The following TNRC6C variants were observed in gnomAD, a reference collection of about 807,000 sequenced individuals.
The protein encoded by TNRC6C is trinucleotide repeat containing adaptor 6C.
In TNRC6C, 20 loss-of-function variants were observed where a neutral mutation model predicts 153.7. That is an observed-to-expected ratio of 0.13 (90% CI 0.09 to 0.19). TNRC6C has a LOEUF of 0.19. Among genes scored for constraint, TNRC6C ranks in the 10% least tolerant of loss-of-function variants. The pLI is 1.00. For synonymous variants in TNRC6C, 811 were observed against 841.4 expected, an observed-to-expected ratio of 0.96 and a Z score of 0.63; for missense variants, 1,987 against 2,172.0, an observed-to-expected ratio of 0.91 and a Z score of 1.69.
chr17:78,020,177 GC>G (rs1257931264), intron 1 of TNRC6C, among the ~76,000 whole-genome samples: 1 of 152,168 alleles, frequency 6.6e-6, no homozygotes, highest in Non-Finnish European at 1.5e-5. Context: ...GCTGAGTGAG[GC>G]TTCTCTTCCC....
chr17:78,025,256 C>T lies in TNRC6C; in HGVS notation c.-545-6260C>T, dbSNP rs571875783. 5.3e-5 allele frequency among the ~76,000 whole-genome samples: 8 copies of T among 152,270 alleles called. No individual in the cohort carries two copies. The South Asian group carries it at 1.0e-3, about 20-fold the overall frequency. On this transcript the variant is annotated intron_variant, in intron 1 of 19. Coordinates refer to ENST00000301624, the Ensembl canonical transcript of TNRC6C. ...AGTCATCCCCCACTCCCCTGGCAAC[C>T]GCTGATCTTTTCACCATCCCTGTAG...
chr17:78,072,944 ACTAT>A (rs756580200), intron 6 of TNRC6C, 89 bp from the exon 9 acceptor site: 3 of 894,482 alleles, frequency 3.4e-6, no homozygotes, highest in Non-Finnish European at 5.2e-6. Flanking sequence ...AAACCTAATA[ACTAT>A]GTCTTTAAGT....
intron 1 of TNRC6C, among the ~76,000 whole-genome samples, chr17:78,026,626 CT>C (rs1027793727): frequency 6.6e-6 from 1 of 152,178 alleles, no homozygotes; most frequent in Non-Finnish European, 1.5e-5. Flanking sequence ...AAAGCTAAGT[CT>C]GGGGAACTGG....
chr17:78,006,187 T>C (rs908505059), intron 1 of TNRC6C, among the ~76,000 whole-genome samples: 1 of 152,198 alleles, frequency 6.6e-6, no homozygotes, highest in Non-Finnish European at 1.5e-5. Context: ...AACCAGTTAA[T>C]GGTAAAGGCA....
chr17:78,076,561 A>G (rs1038988489), intron 8 of TNRC6C, among the ~76,000 whole-genome samples: 10 of 152,246 alleles, frequency 6.6e-5, no homozygotes, highest in African/African-American at 2.4e-4. Flanking sequence ...TCAGCATCGC[A>G]TATGTTTATT....
At chr17:78,073,427 C>T (rs866050359) in intron 7 of TNRC6C, among the ~76,000 whole-genome samples, 1 of 152,252 alleles carries the variant, frequency 6.6e-6, no homozygotes, top group South Asian at 2.1e-4. Context: ...GTTCCTCGTG[C>T]CTTGCCCCAG....
chr17:77,994,107 C>T (rs1051896546), intron 1 of TNRC6C, among the ~76,000 whole-genome samples: 26 of 152,088 alleles, frequency 1.7e-4, no homozygotes, highest in African/African-American at 6.3e-4. Flanking sequence ...GCAGGAGAAT[C>T]GCTTGAACCC....
At chr17:78,083,872 A>T (rs926646089) in intron 11 of TNRC6C, among the ~76,000 whole-genome samples, 1 of 152,176 alleles carries the variant, frequency 6.6e-6, no homozygotes, top group Non-Finnish European at 1.5e-5. Flanking sequence ...ATGTCATTGT[A>T]TACCTAGATG....
chr17:78,071,019 C>T, intron 5 of TNRC6C, 66 bp from the exon 8 acceptor site: 2 of 1,462,020 alleles, frequency 1.4e-6, no homozygotes, highest in African/African-American at 1.4e-5. Context: ...GGCTGTCTCC[C>T]ATTTCTGGTA....
chr17:78,046,798 G>C (rs1349873981), intron 2 of TNRC6C, among the ~76,000 whole-genome samples: 4 of 152,134 alleles, frequency 2.6e-5, no homozygotes, highest in Non-Finnish European at 5.9e-5. Flanking sequence ...CTAGACAGTT[G>C]TCCAACAGCA....
At chr17:78,083,480 G>A in intron 11 of TNRC6C, among the ~76,000 whole-genome samples, 1 of 152,170 alleles carries the variant, frequency 6.6e-6, no homozygotes, top group East Asian at 1.9e-4. Flanking sequence ...GAGACACCAC[G>A]GGTGTGCACC....
intron 1 of TNRC6C, among the ~76,000 whole-genome samples, chr17:77,978,895 C>T (rs1050082516): frequency 4.6e-5 from 7 of 152,148 alleles, no homozygotes; most frequent in Non-Finnish European, 1.0e-4. Context: ...AGTGATTCAC[C>T]CTTGCTCTTA....
chr17:78,000,627 C>CA (rs1239022721), upstream of TNRC6C, among the ~76,000 whole-genome samples: 42 of 70,314 alleles, frequency 6.0e-4, 6 homozygotes, highest in Non-Finnish European at 1.1e-3. Flanking sequence ...CGCCCCCCCC[C>CA]CCCCACACAC....
intron 13 of TNRC6C, among the ~76,000 whole-genome samples, chr17:78,088,661 G>A (rs76650272): frequency 0.014 from 2,041 of 146,808 alleles, 23 homozygotes; most frequent in South Asian, 0.038. Context: ...GTGCAGTGGC[G>A]TGATCATAGC....
chr17:77,985,885 G>A (rs983151135), intron 1 of TNRC6C, among the ~76,000 whole-genome samples: 4 of 152,040 alleles, frequency 2.6e-5, no homozygotes, highest in African/African-American at 9.7e-5. Context: ...ACCAAAACAG[G>A]AAATAGAAAT....
rs144697465 is a variant in TNRC6C, at chr17:78,065,245, G to A, written c.2611+308G>A. Among the ~76,000 whole-genome samples, 1,432 of 152,018 alleles carry A rather than the reference G, an allele frequency of 9.4e-3. 15 individuals carry two copies. Among genetic ancestry groups the A allele is most frequent in the South Asian group, 0.037 (179 of 4,826 alleles). On this transcript the variant is annotated intron_variant, in intron 4 of 19. Coordinates refer to ENST00000301624, the Ensembl canonical transcript of TNRC6C. ...CACATGCCTGTAATCCCAGCTATTC[G>A]GGAGGCTATGGTGGGAGAATTGCTT...
At position 78,049,214 on chromosome 17, in the gene TNRC6C, T is replaced by A. The variant is rs1359351402; in HGVS notation, c.152T>A (p.Val51Glu). Residue 51 changes from valine to glutamate, a missense_variant, in exon 3 of 20, where the codon GTG (valine) becomes GAG (glutamate). Coordinates refer to ENST00000301624, the Ensembl canonical transcript of TNRC6C. The surrounding 1 kb of genome is among the most constrained non-coding windows in gnomAD (Gnocchi z 4.1). ...AACAGTAATGGAAGTGCGGCCAGAG[T>A]GTGGGGTGTAGCCACAGGCTCCAGC... 6.2e-7 allele frequency: 1 copy of A among 1,612,626 alleles called. No individual in the cohort carries two copies. Among genetic ancestry groups the A allele is most frequent in the East Asian group, 2.2e-5 (1 of 44,886 alleles).
intron 1 of TNRC6C, among the ~76,000 whole-genome samples, chr17:78,021,082 T>C (rs1598697714): frequency 6.6e-6 from 1 of 152,204 alleles, no homozygotes; most frequent in Non-Finnish European, 1.5e-5. Context: ...TGGATGTGTT[T>C]AGTAGGAAAG....
intron 3 of TNRC6C, among the ~76,000 whole-genome samples, chr17:78,058,140 C>A (rs1297828200): frequency 6.6e-6 from 1 of 152,160 alleles, no homozygotes; most frequent in South Asian, 2.1e-4. Context: ...GTCTCTGGTG[C>A]GAGCCAGAAT....
Sources: gnomAD v4.1 joint callset for allele counts (sites outside exome capture counted in the v4.1 genomes callset) on GRCh38, gnomAD v4.1.1 for gene constraint, Gnocchi (gnomAD v3.1) non-coding constraint, MANE v1.5 for transcripts, NCBI Gene and HGNC (gene_info 2026-07-23, HGNC 2026-07-21) for gene names.